Variants in TTC28 observed in about 807,000 individuals in gnomAD.
TTC28 encodes the protein tetratricopeptide repeat domain 28, also known as tetratricopeptide repeat protein 28.
In TTC28, 61 loss-of-function variants were observed where a neutral mutation model predicts 198.0. The observed-to-expected ratio is 0.31, with a 90% CI of 0.25 to 0.38. The LOEUF (loss-of-function observed/expected upper bound fraction) is 0.38, where lower values mean the gene tolerates loss of function less well. Among genes scored for constraint, TTC28 ranks in the 10% least tolerant of loss-of-function variants. The pLI is 1.00. For missense variants in TTC28, 2,678 were observed against 3,164.0 expected, an observed-to-expected ratio of 0.85 and a Z score of 3.69; for synonymous variants, 1,171 against 1,297.8, an observed-to-expected ratio of 0.90 and a Z score of 2.10.
intron 2 of TTC28, among the ~76,000 whole-genome samples, chr22:28,485,483 C>G (rs1310096448): frequency 1.3e-5 from 2 of 152,060 alleles, no homozygotes; most frequent in East Asian, 3.8e-4. Flanking sequence ...GTTTGTCATT[C>G]AGTTGGCTTT....
intron 2 of TTC28, among the ~76,000 whole-genome samples, chr22:28,459,063 G>C (rs905994168): frequency 7.9e-5 from 12 of 151,988 alleles, no homozygotes; most frequent in Admixed American, 6.6e-4. Flanking sequence ...AGGGGTAATG[G>C]TAGTATTAAG....
chr22:28,633,996 T>G (rs1043484078), intron 1 of TTC28, among the ~76,000 whole-genome samples: 1 of 152,070 alleles, frequency 6.6e-6, no homozygotes. Context: ...GAAAATACCA[T>G]GGATGAGTCA....
intron 2 of TTC28, among the ~76,000 whole-genome samples, chr22:28,563,065 G>A (rs548010551): frequency 1.3e-5 from 2 of 152,278 alleles, no homozygotes; most frequent in African/African-American, 2.4e-5. Flanking sequence ...AGAGGTTGCA[G>A]TGACCTGAGA....
chr22:28,352,626 A>C (rs1352229490), intron 2 of TTC28, among the ~76,000 whole-genome samples: 1 of 152,002 alleles, frequency 6.6e-6, no homozygotes, highest in African/African-American at 2.4e-5. Context: ...TAGCCCACTG[A>C]TACCCCCTCA....
At chr22:28,492,564 C>G (rs1156350040) in intron 2 of TTC28, among the ~76,000 whole-genome samples, 1 of 152,018 alleles carries the variant, frequency 6.6e-6, no homozygotes, top group East Asian at 1.9e-4. Flanking sequence ...ATTTTTGAAG[C>G]TGTAAAGTCA....
intron 2 of TTC28, among the ~76,000 whole-genome samples, chr22:28,545,826 AATAAG>A (rs1456691693): frequency 6.6e-6 from 1 of 152,216 alleles, no homozygotes; most frequent in Non-Finnish European, 1.5e-5. Flanking sequence ...AAAGAAACTA[AATAAG>A]ATATTTAATT....
At chr22:28,157,893 A>G (rs1205859934) in intron 6 of TTC28, among the ~76,000 whole-genome samples, 2 of 152,206 alleles carry the variant, frequency 1.3e-5, no homozygotes, top group African/African-American at 4.8e-5. Flanking sequence ...GTTATTCAAC[A>G]TAGTACTGGA....
chr22:28,596,809 A>T (rs1569048730), intron 2 of TTC28, among the ~76,000 whole-genome samples: 1 of 152,216 alleles, frequency 6.6e-6, no homozygotes, highest in East Asian at 1.9e-4. Context: ...TGCCAGACAG[A>T]CATCTGGAGA....
chr22:28,512,999 T>G (rs1256945477), intron 2 of TTC28, among the ~76,000 whole-genome samples: 1 of 149,008 alleles, frequency 6.7e-6, no homozygotes, highest in African/African-American at 2.5e-5. Flanking sequence ...TTTTTTTTTT[T>G]GAGACAGTCT....
chr22:28,177,137 CTT>C (rs951005258), intron 5 of TTC28, among the ~76,000 whole-genome samples: 12 of 152,186 alleles, frequency 7.9e-5, no homozygotes, highest in Admixed American at 1.3e-4. Flanking sequence ...TGATAAAAGA[CTT>C]ATATCAAAAA....
intron 13 of TTC28, among the ~76,000 whole-genome samples, chr22:28,027,010 C>T (rs967142274): frequency 1.3e-5 from 2 of 152,152 alleles, no homozygotes; most frequent in African/African-American, 4.8e-5. Context: ...AAAAGCCTGT[C>T]CTGTTCTTCT....
chr22:28,090,625 T>C (rs1338265745), intron 12 of TTC28, among the ~76,000 whole-genome samples: 1 of 152,196 alleles, frequency 6.6e-6, no homozygotes. Flanking sequence ...GGCAAATTGT[T>C]TTTAGAAATG....
intron 2 of TTC28, among the ~76,000 whole-genome samples, chr22:28,558,661 G>C (rs907667286): frequency 4.6e-5 from 7 of 151,720 alleles, no homozygotes; most frequent in Non-Finnish European, 8.8e-5. Context: ...GGCAACAAGA[G>C]TGAAACTCCA....
intron 13 of TTC28, among the ~76,000 whole-genome samples, chr22:28,016,779 G>A (rs1168378851): frequency 1.3e-5 from 2 of 152,206 alleles, no homozygotes; most frequent in Non-Finnish European, 2.9e-5. Context: ...CAGCTGTCCA[G>A]GGAGACCCAG....
rs184835480 is a variant in TTC28, at chr22:27,982,878, C to T, written c.6789G>A (p.Pro2263=). 2.6e-4 allele frequency: 396 copies of T among 1,550,464 alleles called. 1 individual carries two copies. In the African/African-American group the frequency reaches 4.7e-3, roughly 19 times the overall value. Residue 2263 remains proline, a synonymous_variant, in exon 23 of 23, where the codon CCG becomes CCA. Transcript: ENST00000397906. This position sits in a 1 kb window ranked among gnomAD's most constrained non-coding sequence, Gnocchi z 5.2. ...GCGATGGCCGGCCACTGTGCTGGCTCGGGCTGTCTTTGATGGACATCTCTG... is the reference window on the plus strand; with the variant it reads ...GCGATGGCCGGCCACTGTGCTGGCTTGGGCTGTCTTTGATGGACATCTCTG... ...TTSEMSIKDS[P]SQHSGRPSPG...
chr22:27,998,751 G>C lies in TTC28; in HGVS notation c.4908C>G (p.Asp1636Glu), dbSNP rs563934491. 3.2e-6 allele frequency: 5 copies of C among 1,550,628 alleles called. No homozygotes were observed. Among genetic ancestry groups the C allele is most frequent in the Non-Finnish European group, 3.5e-6 (4 of 1,147,012 alleles). ...SQESNSKVTA[D>E]GVIALTRAFL... ...AGGCCCTTGTCAGCGCGATGACCCC[G>C]TCGGCTGTGACTTTGCTGTTGGACT... The change falls in exon 16 of 23, where the codon GAC (aspartate) becomes GAG (glutamate). Residue 1636 changes from aspartate to glutamate, a missense_variant. Physicochemically the swap from Asp to Glu is conservative, Grantham distance 45. Transcript: ENST00000397906.
At chr22:28,003,757 G>A (rs1937810853) in intron 14 of TTC28, among the ~76,000 whole-genome samples, 2 of 152,194 alleles carry the variant, frequency 1.3e-5, no homozygotes, top group South Asian at 2.1e-4. Flanking sequence ...CTCTGCCCAC[G>A]AAACCTCATC....
At chr22:28,630,191 G>C (rs935826102) in intron 1 of TTC28, among the ~76,000 whole-genome samples, 1 of 152,128 alleles carries the variant, frequency 6.6e-6, no homozygotes, top group South Asian at 2.1e-4. Flanking sequence ...GCCCTCACCA[G>C]ATACAGATGC....
intron 5 of TTC28, among the ~76,000 whole-genome samples, chr22:28,198,741 C>G (rs769599801): frequency 6.6e-6 from 1 of 152,070 alleles, no homozygotes; most frequent in East Asian, 1.9e-4. Flanking sequence ...CTGCTAGGAG[C>G]TCTGCCATAT....
Sources: gnomAD v4.1 joint callset for allele counts (sites outside exome capture counted in the v4.1 genomes callset) on GRCh38, gnomAD v4.1.1 for gene constraint, Gnocchi (gnomAD v3.1) non-coding constraint, MANE v1.5 for transcripts, NCBI Gene and HGNC (gene_info 2026-07-23, HGNC 2026-07-21) for gene names.